CNTNAP5: variants seen among roughly 807,000 people sequenced by gnomAD.
CNTNAP5 encodes the protein contactin associated protein family member 5.
CNTNAP5 carries 72 observed loss-of-function variants against 150.2 expected under a neutral mutation model. The ratio of observed to expected loss-of-function variants is 0.48; its 90% CI spans 0.40 to 0.58. CNTNAP5 has a LOEUF of 0.58. Among genes scored for constraint, CNTNAP5 ranks in the 20% least tolerant of loss-of-function variants. CNTNAP5 has a pLI of 0.00. For synonymous variants in CNTNAP5, 672 were observed against 619.8 expected (o/e 1.08, Z -1.25); for missense variants, 1,636 against 1,626.2 (o/e 1.01, Z -0.10).
At chr2:124,598,693 C>T (rs1005477799) in intron 11 of CNTNAP5, among the ~76,000 whole-genome samples, 3 of 151,878 alleles carry the variant, frequency 2.0e-5, no homozygotes, top group African/African-American at 7.2e-5. Context: ...TTCCCGGCTG[C>T]TTTGTTTACC....
Position 124,774,097 on chromosome 2 carries a change from CAA to C in CNTNAP5, c.2752+1082_2752+1083del, listed in dbSNP as rs1222112441. 3.9e-5 allele frequency among the ~76,000 whole-genome samples: 6 copies of C among 152,098 alleles called. No homozygotes were observed. In the South Asian group the frequency reaches 1.0e-3, roughly 26 times the overall value. On this transcript the variant is annotated intron_variant, in intron 17 of 23. Transcript: ENST00000682447. ...AGAAATATTGTCAATACTACCAAAA[CAA>C]AGAGTGTGCTTTTATATAAAACTTG...
At chr2:124,853,146 C>T (rs553793965) in intron 19 of CNTNAP5, among the ~76,000 whole-genome samples, 62 of 152,276 alleles carry the variant, frequency 4.1e-4, no homozygotes, top group African/African-American at 1.3e-3. Flanking sequence ...AGAATGAGAG[C>T]GAACTCTTAT....
At position 124,262,601 on chromosome 2, in the gene CNTNAP5, A is replaced by G. The variant is rs144429388; in HGVS notation, c.381+20208A>G. On this transcript the variant is annotated intron_variant, in intron 3 of 23. Transcript: ENST00000682447. ...ATATTTTGCAGGTCATTGAAAAGAC[A>G]CTAGAGTTTTTGGGTGGAGGACAAA... Among the ~76,000 whole-genome samples the G allele has an allele frequency of 2.3e-4, 35 of 151,934 alleles. 1 individual carries two copies. In the East Asian group the frequency reaches 5.6e-3, roughly 24 times the overall value.
intron 19 of CNTNAP5, among the ~76,000 whole-genome samples, chr2:124,841,147 G>A (rs2104692537): frequency 6.6e-6 from 1 of 152,064 alleles, no homozygotes; most frequent in South Asian, 2.1e-4. Context: ...ATTGGAAAAT[G>A]TATCTAAGCC....
intron 1 of CNTNAP5, among the ~76,000 whole-genome samples, chr2:124,057,281 C>CTT (rs1681876049): frequency 2.2e-5 from 2 of 91,732 alleles, no homozygotes; most frequent in African/African-American, 7.1e-5. Flanking sequence ...TTAACAAGTC[C>CTT]ATTTTTTTTT....
chr2:124,713,566 G>A (rs1290852530), intron 13 of CNTNAP5, among the ~76,000 whole-genome samples: 1 of 151,676 alleles, frequency 6.6e-6, no homozygotes, highest in Non-Finnish European at 1.5e-5. Context: ...AGTAGAGACA[G>A]GGTTTCACTA....
At chr2:124,271,237 A>G (rs1350551820) in intron 3 of CNTNAP5, among the ~76,000 whole-genome samples, 2 of 152,180 alleles carry the variant, frequency 1.3e-5, no homozygotes, top group African/African-American at 4.8e-5. Flanking sequence ...TCTTGAGAGA[A>G]GCACAGAATT....
chr2:124,523,637 C>T (rs1417441033), intron 8 of CNTNAP5, among the ~76,000 whole-genome samples: 2 of 152,132 alleles, frequency 1.3e-5, no homozygotes, highest in African/African-American at 4.8e-5. Flanking sequence ...AGTGTCGTGC[C>T]TCATTTCATT....
intron 3 of CNTNAP5, among the ~76,000 whole-genome samples, chr2:124,395,611 C>T (rs1163723536): frequency 6.6e-6 from 1 of 152,048 alleles, no homozygotes; most frequent in Non-Finnish European, 1.5e-5. Flanking sequence ...CAGTAGTTAA[C>T]ACTTATATAG....
intron 1 of CNTNAP5, among the ~76,000 whole-genome samples, chr2:124,077,070 C>A (rs6749532): frequency 0.85 from 129,011 of 152,048 alleles, 54,955 homozygotes; most frequent in Non-Finnish European, 0.89. Context: ...GTAAAAGTCA[C>A]GCAAAAGTTA....
rs554554564 is a variant in CNTNAP5, at chr2:124,620,781, A to G, written c.1876+10861A>G. On this transcript the variant is annotated intron_variant, in intron 12 of 23. Coordinates refer to ENST00000682447, the MANE Select transcript of CNTNAP5 (RefSeq NM_001367498.1). The stretch of plus-strand genomic sequence containing the variant: ...CACACACACACACACACACATATAT[A>G]TGCAAACTTTCTAGCCTTAAAAAGT... Among the ~76,000 whole-genome samples, 4 of 151,872 alleles carry G rather than the reference A, an allele frequency of 2.6e-5. No homozygotes were observed. In the East Asian group the frequency reaches 5.8e-4, roughly 22 times the overall value.
chr2:124,444,342 C>A (rs900688649), intron 5 of CNTNAP5, among the ~76,000 whole-genome samples: 1 of 152,142 alleles, frequency 6.6e-6, no homozygotes, highest in African/African-American at 2.4e-5. Flanking sequence ...CACCTGTAAT[C>A]CCAGCACTTT....
At position 124,138,770 on chromosome 2, in the gene CNTNAP5, G is replaced by GT. The variant is rs200087071; in HGVS notation, c.83-82934dup. On this transcript the variant is annotated intron_variant, in intron 1 of 23. Coordinates refer to ENST00000682447, the MANE Select transcript of CNTNAP5 (RefSeq NM_001367498.1). ...GTCTAGAATCTCCGAAATACGGCAT[G>GT]TAAGAACCTACATGATCTGAATTCC... 2.9e-3 allele frequency among the ~76,000 whole-genome samples: 448 copies of GT among 152,210 alleles called. 2 individuals are homozygous for GT. The highest frequency in any genetic ancestry group is 0.01 in the African/African-American group (428 of 41,504).
At chr2:124,561,177 C>T (rs968606511) in intron 10 of CNTNAP5, among the ~76,000 whole-genome samples, 2 of 151,998 alleles carry the variant, frequency 1.3e-5, no homozygotes, top group Non-Finnish European at 2.9e-5. Context: ...AAAAACTGGG[C>T]AGCTTCAGAA....
intron 12 of CNTNAP5, among the ~76,000 whole-genome samples, chr2:124,620,846 ATTAT>A (rs1376730434): frequency 6.6e-6 from 1 of 152,040 alleles, no homozygotes; most frequent in Non-Finnish European, 1.5e-5. Context: ...TCATGGTGTG[ATTAT>A]TAATTGTGTC....
intron 19 of CNTNAP5, among the ~76,000 whole-genome samples, chr2:124,832,535 A>G (rs1682737770): frequency 6.6e-6 from 1 of 152,170 alleles, no homozygotes; most frequent in African/African-American, 2.4e-5. Flanking sequence ...ATTTGACCCA[A>G]TAGGTAATCT....
chr2:124,068,829 C>T (rs912616628), intron 1 of CNTNAP5, among the ~76,000 whole-genome samples: 7 of 151,864 alleles, frequency 4.6e-5, no homozygotes, highest in Non-Finnish European at 8.8e-5. Context: ...CCCTAGCTCC[C>T]AGACAACATT....
intron 12 of CNTNAP5, among the ~76,000 whole-genome samples, chr2:124,621,653 G>A (rs150124413): frequency 6.6e-6 from 1 of 152,200 alleles, no homozygotes; most frequent in Admixed American, 6.5e-5. Flanking sequence ...TATCCATGTG[G>A]TTTGGCCTAA....
In CNTNAP5 at chr2:124,524,244, C is replaced by A. The variant is rs192150660; in HGVS notation, c.1328-59C>A. ...GGCAGCAGGCTGGGAAATGAGCCCCCTCTCTCTAAGTCTTCTGGACCCATC... is the reference window on the plus strand; with the variant it reads ...GGCAGCAGGCTGGGAAATGAGCCCCATCTCTCTAAGTCTTCTGGACCCATC... On this transcript the variant is annotated intron_variant, in intron 8 of 23. Transcript: ENST00000682447. 3.2e-6 allele frequency: 5 copies of A among 1,575,502 alleles called. No homozygotes were observed. The African/African-American group carries it at 4.0e-5, about 13-fold the overall frequency.
Sources: allele counts gnomAD v4.1 joint callset (sites outside exome capture counted in the v4.1 genomes callset), GRCh38; gene constraint gnomAD v4.1.1; transcripts MANE v1.5; gene names NCBI Gene and HGNC (gene_info 2026-07-23, HGNC 2026-07-21).